PRKG1: variants seen among roughly 807,000 people sequenced by gnomAD.
PRKG1 encodes the protein cGMP-dependent protein kinase 1.
In PRKG1, 35 loss-of-function variants were observed where a neutral mutation model predicts 88.1. That is an observed-to-expected ratio of 0.40 (90% CI 0.30 to 0.53). The LOEUF (loss-of-function observed/expected upper bound fraction) is 0.53. Ranked by LOEUF, PRKG1 falls within the 20% of genes least tolerant of loss-of-function variation. PRKG1 has a pLI of 0.59. For synonymous variants in PRKG1, 303 were observed against 292.5 expected, an observed-to-expected ratio of 1.04 and a Z score of -0.37; for missense variants, 540 against 839.8, an observed-to-expected ratio of 0.64 and a Z score of 4.41.
intron 2 of PRKG1, among the ~76,000 whole-genome samples, chr10:51,364,682 C>T (rs1455169582): frequency 6.6e-6 from 1 of 151,264 alleles, no homozygotes; most frequent in Non-Finnish European, 1.5e-5. Flanking sequence ...CAGGAAAAAC[C>T]TATAGATAGA....
chr10:51,456,760 A>G (rs1584111), intron 2 of PRKG1, among the ~76,000 whole-genome samples: 31,294 of 152,134 alleles, frequency 0.21, 3,466 homozygotes, highest in Admixed American at 0.32. Flanking sequence ...AAATAATCCT[A>G]TCAAAAAGTG....
chr10:51,585,844 A>G (rs1838158618), intron 3 of PRKG1, among the ~76,000 whole-genome samples: 1 of 152,162 alleles, frequency 6.6e-6, no homozygotes, highest in Admixed American at 6.6e-5. Flanking sequence ...TGAGGCCCAT[A>G]ATCCTGAGCA....
chr10:52,016,820 A>T (rs1411086482), intron 5 of PRKG1, among the ~76,000 whole-genome samples: 1 of 152,192 alleles, frequency 6.6e-6, no homozygotes, highest in Admixed American at 6.5e-5. Context: ...AAATTTTTTA[A>T]AAACACAGCA....
chr10:51,834,577 G>A (rs1001743441), intron 4 of PRKG1, among the ~76,000 whole-genome samples: 2 of 151,760 alleles, frequency 1.3e-5, no homozygotes, highest in African/African-American at 4.8e-5. Flanking sequence ...AGAGATTGAG[G>A]CTGCAGTGAT....
chr10:51,376,372 T>A (rs1057058841), intron 2 of PRKG1, among the ~76,000 whole-genome samples: 1 of 152,210 alleles, frequency 6.6e-6, no homozygotes, highest in African/African-American at 2.4e-5. Context: ...AATATATTGT[T>A]ACCAATAATT....
chr10:51,227,748 A>G (rs1336841304), intron 2 of PRKG1, among the ~76,000 whole-genome samples: 2 of 152,218 alleles, frequency 1.3e-5, no homozygotes, highest in East Asian at 3.8e-4. Flanking sequence ...ACCAAGAGGC[A>G]CAGCTTAGTG....
chr10:52,165,278 A>C (rs913533031), intron 9 of PRKG1, among the ~76,000 whole-genome samples: 7 of 152,226 alleles, frequency 4.6e-5, no homozygotes, highest in Non-Finnish European at 8.8e-5. Flanking sequence ...TGTCATTCAA[A>C]GAAGGCAAAC....
chr10:52,142,445 G>A lies in PRKG1; in HGVS notation c.1001+8540G>A, dbSNP rs561494948. Among the ~76,000 whole-genome samples, 21 of 152,150 alleles carry A rather than the reference G, an allele frequency of 1.4e-4. No homozygotes were observed. The South Asian group carries it at 3.1e-3, about 23-fold the overall frequency. On this transcript the variant is annotated intron_variant, in intron 8 of 17. Coordinates refer to ENST00000373980, the MANE Select transcript of PRKG1 (RefSeq NM_006258.4). ...GAATAAATCGTATGATAGTCCACCT[G>A]AAAAAGAGGAATTGATGGCTTATGA...
chr10:51,452,990 A>G (rs1839480028), intron 2 of PRKG1, among the ~76,000 whole-genome samples: 1 of 151,794 alleles, frequency 6.6e-6, no homozygotes, highest in African/African-American at 2.4e-5. Context: ...GTCTGCTCAG[A>G]ATTTCTATTT....
At chr10:51,722,184 G>A (rs902889693) in intron 3 of PRKG1, among the ~76,000 whole-genome samples, 7 of 151,726 alleles carry the variant, frequency 4.6e-5, no homozygotes, top group Middle Eastern at 3.4e-3. Flanking sequence ...AGCCGAGATC[G>A]TGCCACTGCA....
chr10:51,752,964 T>C (rs1837764761), intron 3 of PRKG1, among the ~76,000 whole-genome samples: 1 of 152,282 alleles, frequency 6.6e-6, no homozygotes, highest in Middle Eastern at 3.4e-3. Context: ...ATGGTCATTA[T>C]GTATTGCTGT....
chr10:52,193,939 T>A (rs1269333752), intron 9 of PRKG1, among the ~76,000 whole-genome samples: 1 of 152,200 alleles, frequency 6.6e-6, no homozygotes, highest in Non-Finnish European at 1.5e-5. Context: ...AATCCCTTTA[T>A]GTGCATTGAA....
intron 2 of PRKG1, among the ~76,000 whole-genome samples, chr10:51,260,837 C>T (rs1839686630): frequency 6.6e-6 from 1 of 152,114 alleles, no homozygotes; most frequent in Non-Finnish European, 1.5e-5. Flanking sequence ...CCATCAGAAA[C>T]TAATTTGATT....
intron 9 of PRKG1, among the ~76,000 whole-genome samples, chr10:52,212,751 T>C (rs1368509260): frequency 1.3e-5 from 2 of 152,212 alleles, no homozygotes; most frequent in African/African-American, 4.8e-5. Flanking sequence ...ATCCACGTTT[T>C]GGCTTCATTT....
At chr10:51,003,402 G>A (rs1033351864) in intron 1 of PRKG1, among the ~76,000 whole-genome samples, 1 of 152,184 alleles carries the variant, frequency 6.6e-6, no homozygotes, top group African/African-American at 2.4e-5. Flanking sequence ...CATCACGAGA[G>A]GTGTCCACAC....
intron 3 of PRKG1, among the ~76,000 whole-genome samples, chr10:51,602,526 C>T (rs1838633664): frequency 6.6e-6 from 1 of 151,816 alleles, no homozygotes; most frequent in Non-Finnish European, 1.5e-5. Flanking sequence ...CTCACTGCAG[C>T]CTTGACCTCC....
chr10:51,364,507 C>T (rs1842549843), intron 2 of PRKG1, among the ~76,000 whole-genome samples: 1 of 151,920 alleles, frequency 6.6e-6, no homozygotes, highest in African/African-American at 2.4e-5. Context: ...GCAATACATG[C>T]TTTTCATCAC....
At chr10:51,629,036 A>G (rs1839457161) in intron 3 of PRKG1, among the ~76,000 whole-genome samples, 1 of 152,204 alleles carries the variant, frequency 6.6e-6, no homozygotes, top group Non-Finnish European at 1.5e-5. Flanking sequence ...GAATCAATTT[A>G]GTGGTTAACA....
intron 7 of PRKG1, among the ~76,000 whole-genome samples, chr10:52,065,380 A>C (rs1056192352): frequency 6.6e-6 from 1 of 152,202 alleles, no homozygotes; most frequent in Non-Finnish European, 1.5e-5. Flanking sequence ...GGGAACAGTC[A>C]GTTCTGTTTT....
Sources: gnomAD v4.1 joint callset for allele counts (sites outside exome capture counted in the v4.1 genomes callset) on GRCh38, gnomAD v4.1.1 for gene constraint, MANE v1.5 for transcripts, NCBI Gene and HGNC (gene_info 2026-07-23, HGNC 2026-07-21) for gene names.